The following CUX1 variants were observed in gnomAD, a reference collection of about 807,000 sequenced individuals.
CUX1 encodes the protein protein CASP.
Under a neutral mutation model 158.8 loss-of-function variants are expected in CUX1, and 31 were observed. That is an observed-to-expected ratio of 0.20 (90% CI 0.15 to 0.26). CUX1 has a LOEUF of 0.26. Among genes scored for constraint, CUX1 ranks in the 10% least tolerant of loss-of-function variants. The probability of loss-of-function intolerance (pLI) is 1.00; values close to 1 mark genes in which losing one functional copy is unlikely to be tolerated. For missense variants in CUX1, 1,589 were observed against 2,014.6 expected, an observed-to-expected ratio of 0.79 and a Z score of 4.04; for synonymous variants, 879 against 862.1, an observed-to-expected ratio of 1.02 and a Z score of -0.34.
chr7:102,089,067 G>A (rs1201654831), intron 4 of CUX1, among the ~76,000 whole-genome samples: 3 of 151,874 alleles, frequency 2.0e-5, no homozygotes, highest in Non-Finnish European at 4.4e-5. Flanking sequence ...GTTTGTTTCT[G>A]TGACTATATC....
upstream of CUX1, chr7:101,817,041 G>A: frequency 1.0e-6 from 1 of 984,526 alleles, no homozygotes; most frequent in Admixed American, 6.2e-5. This position sits in a 1 kb window ranked among gnomAD's most constrained non-coding sequence, Gnocchi z 4.1. Flanking sequence ...GCGGACCCCC[G>A]CGGGGGCTCT....
At chr7:102,278,657 A>AATAATAAAATAAAATAT (rs781848717) in intron 18 of CUX1, among the ~76,000 whole-genome samples, 2 of 99,106 alleles carry the variant, frequency 2.0e-5, no homozygotes, top group African/African-American at 6.4e-5. Flanking sequence ...AATAAAATAA[A>AATAATAAAATAAAATAT]AAAATAAAAT....
chr7:102,168,918 CTTTTCTTTTCTTTTAT>C (rs1791384504), intron 9 of CUX1, among the ~76,000 whole-genome samples: 2 of 84,128 alleles, frequency 2.4e-5, no homozygotes, highest in African/African-American at 6.9e-5. Context: ...CTTTTATTTT[CTTTTCTTTTCTTTTAT>C]TTTCTTTTTT....
At chr7:101,977,192 C>T (rs907355337) in intron 2 of CUX1, among the ~76,000 whole-genome samples, 38 of 152,056 alleles carry the variant, frequency 2.5e-4, no homozygotes, top group African/African-American at 9.2e-4. Flanking sequence ...GGATTACAGG[C>T]GTGAGCCACT....
chr7:102,141,654 A>G (rs1368491247), intron 8 of CUX1, among the ~76,000 whole-genome samples: 2 of 151,802 alleles, frequency 1.3e-5, no homozygotes, highest in African/African-American at 4.8e-5. Context: ...ACAGGCTCTC[A>G]CTCTGTTGCC....
rs191905736 is a variant in CUX1 at position 102,000,122 on chromosome 7, A to G, written c.142-27976A>G. Reference sequence around the variant, plus strand: ...TCCCAGTTACTCAGAAGGCTGAGGCAGGAGAATCCCTTGAATCCGGGCGGC... The same window carrying G: ...TCCCAGTTACTCAGAAGGCTGAGGCGGGAGAATCCCTTGAATCCGGGCGGC... On this transcript the variant is annotated intron_variant, in intron 2 of 23. Coordinates refer to ENST00000292535, the MANE Select transcript of CUX1 (RefSeq NM_181552.4). Among the ~76,000 whole-genome samples the G allele has an allele frequency of 2.0e-5, 3 of 152,286 alleles. 1 individual carries two copies. Among genetic ancestry groups the G allele is most frequent in the Admixed American group, 1.3e-4 (2 of 15,280 alleles).
intron 2 of CUX1, among the ~76,000 whole-genome samples, chr7:101,953,669 G>T (rs1026727126): frequency 6.6e-6 from 1 of 152,156 alleles, no homozygotes; most frequent in Non-Finnish European, 1.5e-5. Flanking sequence ...TTTACCTCAC[G>T]TACCAAATAT....
intron 2 of CUX1, among the ~76,000 whole-genome samples, chr7:101,919,238 G>A (rs1804601936): frequency 6.6e-6 from 1 of 152,088 alleles, no homozygotes; most frequent in African/African-American, 2.4e-5. Context: ...GTACGTGTGT[G>A]TGTAGATAGC....
intron 2 of CUX1, among the ~76,000 whole-genome samples, chr7:101,968,011 C>T (rs1474373008): frequency 5.3e-5 from 8 of 152,048 alleles, no homozygotes; most frequent in African/African-American, 1.9e-4. Context: ...TCAAGCAGCT[C>T]CCCCTGCCTC....
chr7:101,964,947 T>C (rs1046268254), intron 2 of CUX1, among the ~76,000 whole-genome samples: 1 of 152,190 alleles, frequency 6.6e-6, no homozygotes, highest in Non-Finnish European at 1.5e-5. Context: ...AGATGAGACT[T>C]TTCTCTTTCC....
chr7:101,851,097 A>T (rs956150824), intron 1 of CUX1, among the ~76,000 whole-genome samples: 1 of 152,166 alleles, frequency 6.6e-6, no homozygotes, highest in African/African-American at 2.4e-5. Flanking sequence ...TGACAGAGCG[A>T]GAGTCTGTCT....
chr7:102,052,652 A>G (rs187054576), intron 3 of CUX1, among the ~76,000 whole-genome samples: 29 of 152,272 alleles, frequency 1.9e-4, no homozygotes, highest in African/African-American at 6.3e-4. Flanking sequence ...TTTCTTGCCT[A>G]CCTAGGAGTA....
chr7:102,214,132 CAAAAAT>C (rs1219540406), intron 20 of CUX1, among the ~76,000 whole-genome samples: 3 of 151,210 alleles, frequency 2.0e-5, no homozygotes, highest in East Asian at 3.9e-4. Flanking sequence ...AACTTCATCT[CAAAAAT>C]AATAATAATA....
intron 2 of CUX1, among the ~76,000 whole-genome samples, chr7:102,010,585 G>T (rs958023820): frequency 6.6e-6 from 1 of 152,126 alleles, no homozygotes; most frequent in Admixed American, 6.5e-5. Context: ...AGGAAGTAGA[G>T]ATGACATTGT....
chr7:102,103,732 G>C (rs924466011), intron 5 of CUX1, among the ~76,000 whole-genome samples: 3 of 151,466 alleles, frequency 2.0e-5, no homozygotes, highest in Admixed American at 6.6e-5. Flanking sequence ...ACTGTGCTTG[G>C]CCTGTAGACT....
At chr7:102,116,657 A>T (rs565673841) in intron 8 of CUX1, among the ~76,000 whole-genome samples, 16 of 152,200 alleles carry the variant, frequency 1.1e-4, no homozygotes, top group South Asian at 6.2e-4. Context: ...AAAAATTTTT[A>T]AAATATTGTT....
chr7:101,853,022 A>G (rs1267682920), intron 1 of CUX1, among the ~76,000 whole-genome samples: 1 of 152,094 alleles, frequency 6.6e-6, no homozygotes, highest in Non-Finnish European at 1.5e-5. Context: ...AATGTTTTTT[A>G]AAAATATATA....
chr7:102,124,185 G>GCA (rs1430444886), intron 8 of CUX1, among the ~76,000 whole-genome samples: 2 of 152,194 alleles, frequency 1.3e-5, no homozygotes, highest in Non-Finnish European at 2.9e-5. Context: ...ATAGATTGTA[G>GCA]CACATATGGT....
chr7:101,903,390 T>C (rs1345689086), intron 1 of CUX1, among the ~76,000 whole-genome samples: 1 of 152,130 alleles, frequency 6.6e-6, no homozygotes, highest in East Asian at 1.9e-4. Flanking sequence ...TTAGGGTCCT[T>C]TGGGCTCCTT....
Sources: allele counts gnomAD v4.1 joint callset (sites outside exome capture counted in the v4.1 genomes callset), GRCh38; gene constraint gnomAD v4.1.1; non-coding constraint Gnocchi (gnomAD v3.1); transcripts MANE v1.5; gene names NCBI Gene and HGNC (gene_info 2026-07-23, HGNC 2026-07-21).